ADAMTS12: variants seen among roughly 807,000 people sequenced by gnomAD.
ADAMTS12 encodes ADAM metallopeptidase with thrombospondin type 1 motif 12, also known as A disintegrin and metalloproteinase with thrombospondin motifs 12.
In ADAMTS12, 118 loss-of-function variants were observed where a neutral mutation model predicts 167.8. The observed-to-expected ratio is 0.70, with a 90% CI of 0.61 to 0.82. ADAMTS12 has a LOEUF of 0.82. Ranked by LOEUF, ADAMTS12 falls within the 40% of genes least tolerant of loss-of-function variation. The pLI, the probability that ADAMTS12 is intolerant of heterozygous loss-of-function variation, is 0.00. For synonymous variants in ADAMTS12, 704 were observed against 716.9 expected (o/e 0.98, Z 0.29); for missense variants, 1,916 against 1,998.8 (o/e 0.96, Z 0.79).
chr5:33,800,749 G>A (rs948052627), intron 2 of ADAMTS12, among the ~76,000 whole-genome samples: 1 of 152,134 alleles, frequency 6.6e-6, no homozygotes, highest in Non-Finnish European at 1.5e-5. Context: ...TGGTGTGCTG[G>A]AGCCCCCATG....
At chr5:33,743,246 G>A (rs1256628603) in intron 3 of ADAMTS12, among the ~76,000 whole-genome samples, 2 of 152,238 alleles carry the variant, frequency 1.3e-5, no homozygotes, top group Admixed American at 6.5e-5. Flanking sequence ...CTCAAGAAAC[G>A]GTGGGGGCCA....
chr5:33,747,814 T>A (rs1478389141), intron 3 of ADAMTS12, among the ~76,000 whole-genome samples: 1 of 152,196 alleles, frequency 6.6e-6, no homozygotes, highest in African/African-American at 2.4e-5. Context: ...TCTTACTATA[T>A]ATTATAAAGA....
chr5:33,749,674 GAA>G (rs1744908999), intron 3 of ADAMTS12, among the ~76,000 whole-genome samples: 1 of 152,184 alleles, frequency 6.6e-6, no homozygotes, highest in African/African-American at 2.4e-5. Context: ...TTTAGAAGTG[GAA>G]AGTCTTGAGA....
At position 33,648,933 on chromosome 5, in the gene ADAMTS12, A is replaced by T. The variant is rs1387278436; in HGVS notation, c.1368T>A (p.Pro456=). The T allele has an allele frequency of 3.1e-6, 5 of 1,613,962 alleles. No homozygotes were observed. Among genetic ancestry groups the T allele is most frequent in the Non-Finnish European group, 4.2e-6 (5 of 1,179,952 alleles). Residue 456 remains proline, a synonymous_variant, in exon 9 of 24, where the codon CCT becomes CCA. Coordinates refer to ENST00000504830, the MANE Select transcript of ADAMTS12 (RefSeq NM_030955.4). The part of the protein sequence containing the change: ...RGWGFCLDDI[P]KKKGLKSKVI... Reference sequence around the variant, plus strand: ...CCTTGGACTTCAAGCCTTTCTTTTTAGGTATGTCATCAAGACAGAACCCCC... The same window carrying T: ...CCTTGGACTTCAAGCCTTTCTTTTTTGGTATGTCATCAAGACAGAACCCCC...
chr5:33,616,589 G>A (rs1028793249), intron 14 of ADAMTS12, among the ~76,000 whole-genome samples: 1 of 152,162 alleles, frequency 6.6e-6, no homozygotes, highest in Non-Finnish European at 1.5e-5. Context: ...ATCTCAGATT[G>A]TTTGCCACCT....
Position 33,829,504 on chromosome 5 carries a change from T to C in ADAMTS12, c.489+51615A>G, listed in dbSNP as rs548193850. On this transcript the variant is annotated intron_variant, in intron 2 of 23. Transcript: ENST00000504830. ...CCACCTTTCCAAAGCAGCACACAGC[T>C]AGCTGCCTGCTATGACTTCAACTTC... 5.9e-5 allele frequency among the ~76,000 whole-genome samples: 9 copies of C among 152,312 alleles called. No homozygotes were observed. The South Asian group carries it at 1.7e-3, about 28-fold the overall frequency.
At chr5:33,872,196 C>T (rs911715810) in intron 2 of ADAMTS12, among the ~76,000 whole-genome samples, 3 of 152,176 alleles carry the variant, frequency 2.0e-5, no homozygotes, top group Admixed American at 1.3e-4. Context: ...GGAATTCTTT[C>T]TAACTCATTC....
At chr5:33,632,897 T>C (rs571578442) in intron 12 of ADAMTS12, among the ~76,000 whole-genome samples, 87 of 152,268 alleles carry the variant, frequency 5.7e-4, no homozygotes, top group African/African-American at 2.1e-3. Context: ...GCATGTTCAT[T>C]GCGGCAACGG....
intron 16 of ADAMTS12, among the ~76,000 whole-genome samples, chr5:33,597,618 C>A (rs78153794): frequency 0.023 from 3,444 of 152,304 alleles, 46 homozygotes; most frequent in Non-Finnish European, 0.033. Context: ...CAGATGGCAT[C>A]TTGTCACTTA....
At chr5:33,540,948 T>C (rs1744664359) in intron 22 of ADAMTS12, among the ~76,000 whole-genome samples, 1 of 152,206 alleles carries the variant, frequency 6.6e-6, no homozygotes, top group African/African-American at 2.4e-5. Context: ...TCGTAGCTCC[T>C]CACCAGCACT....
intron 5 of ADAMTS12, among the ~76,000 whole-genome samples, chr5:33,676,894 C>T (rs1454529734): frequency 6.6e-6 from 1 of 152,118 alleles, no homozygotes; most frequent in Non-Finnish European, 1.5e-5. Flanking sequence ...CAACACTAAA[C>T]CACTCTCAGT....
At chr5:33,534,690 T>G (rs560380067) in intron 23 of ADAMTS12, 143 bp downstream of exon 23, 3 of 1,093,180 alleles carry the variant, frequency 2.7e-6, no homozygotes, top group Non-Finnish European at 3.8e-6. Context: ...TCAGATAGTT[T>G]GTTCCCAGGG....
At chr5:33,651,377 A>C (rs915876576) in intron 7 of ADAMTS12, among the ~76,000 whole-genome samples, 3 of 152,250 alleles carry the variant, frequency 2.0e-5, no homozygotes, top group African/African-American at 7.2e-5. Context: ...AAAATTATTC[A>C]CTTGGGTGAT....
At chr5:33,572,994 T>A (rs960173491) in intron 19 of ADAMTS12, among the ~76,000 whole-genome samples, 5 of 151,330 alleles carry the variant, frequency 3.3e-5, no homozygotes, top group African/African-American at 1.2e-4. Context: ...GAACTCCCAT[T>A]CACAATTGCT....
intron 2 of ADAMTS12, among the ~76,000 whole-genome samples, chr5:33,849,771 G>A (rs548888224): frequency 6.9e-6 from 1 of 145,578 alleles, no homozygotes; most frequent in Non-Finnish European, 1.5e-5. Context: ...TATATGTATT[G>A]CATAGCAATA....
chr5:33,604,370 G>A (rs932975385), intron 16 of ADAMTS12, among the ~76,000 whole-genome samples: 5 of 152,010 alleles, frequency 3.3e-5, no homozygotes, highest in South Asian at 4.1e-4. Context: ...GTGTGGTGGC[G>A]CATGCCTGTA....
intron 3 of ADAMTS12, among the ~76,000 whole-genome samples, chr5:33,732,013 G>A (rs1471560873): frequency 2.0e-5 from 3 of 152,126 alleles, no homozygotes; most frequent in Admixed American, 1.3e-4. Flanking sequence ...GAGCTGCCTT[G>A]AGAAATATTC....
In ADAMTS12 at chr5:33,561,116, A is replaced by T; in HGVS notation, c.4036T>A (p.Ser1346Thr). The T allele has an allele frequency of 6.2e-7, 1 of 1,614,146 alleles. No homozygotes were observed. The highest frequency in any genetic ancestry group is 8.5e-7 in the Non-Finnish European group (1 of 1,180,014). Reference protein sequence around the residue: ...RRVECSTQMDSDCAAIQRPDP... With the variant: ...RRVECSTQMDTDCAAIQRPDP... The stretch of plus-strand genomic sequence containing the variant: ...GGTCTCTGGATGGCCGCACAGTCAG[A>T]ATCCATCTGGGTGCTGCACTCCACC... The change falls in exon 20 of 24, where the codon TCT (serine) becomes ACT (threonine). Residue 1346 changes from serine (S) to threonine (T), a missense_variant. Ser to Thr is a moderately conservative substitution (Grantham distance 58). Coordinates refer to ENST00000504830, the MANE Select transcript of ADAMTS12 (RefSeq NM_030955.4).
rs190828854 is a variant in ADAMTS12, at chr5:33,602,739, T to C, written c.2528-6679A>G. 6.6e-5 allele frequency among the ~76,000 whole-genome samples: 10 copies of C among 152,330 alleles called. No homozygotes were observed. The East Asian group carries it at 1.7e-3, about 26-fold the overall frequency. On this transcript the variant is annotated intron_variant, in intron 16 of 23. Transcript: ENST00000504830. ...GGATATGTGGACATTATCTCAAGCA[T>C]GGTTACACTGAGCTTCAGTAGGAAT...
Sources: gnomAD v4.1 joint callset for allele counts (sites outside exome capture counted in the v4.1 genomes callset) on GRCh38, gnomAD v4.1.1 for gene constraint, MANE v1.5 for transcripts, NCBI Gene and HGNC (gene_info 2026-07-23, HGNC 2026-07-21) for gene names.